Variants in CSMD1 observed in about 807,000 individuals in gnomAD.
CSMD1 encodes CUB and Sushi multiple domains 1, also known as CUB and sushi domain-containing protein 1.
CSMD1 carries 213 observed loss-of-function variants against 417.5 expected under a neutral mutation model. That is an observed-to-expected ratio of 0.51 (90% CI 0.46 to 0.57). CSMD1 has a LOEUF of 0.57. Among genes scored for constraint, CSMD1 ranks in the 20% least tolerant of loss-of-function variants. CSMD1 has a pLI of 0.00. For missense variants in CSMD1, 6,923 were observed against 4,529.7 expected, an observed-to-expected ratio of 1.53 and a Z score of -15.17; for synonymous variants, 2,862 against 1,736.8, an observed-to-expected ratio of 1.65 and a Z score of -16.11.
At chr8:3,286,500 C>G (rs371405102) in intron 25 of CSMD1, among the ~76,000 whole-genome samples, 10 of 152,182 alleles carry the variant, frequency 6.6e-5, no homozygotes, top group African/African-American at 1.7e-4. Context: ...TTTTTCCTGA[C>G]TTGTTAATGA....
intron 21 of CSMD1, among the ~76,000 whole-genome samples, chr8:3,354,937 A>ATT (rs1339389939): frequency 4.0e-5 from 6 of 150,770 alleles, no homozygotes; most frequent in African/African-American, 1.2e-4. Flanking sequence ...AGATATAGAT[A>ATT]TATATAGAGA....
At chr8:4,036,413 A>T (rs941970703) in intron 3 of CSMD1, among the ~76,000 whole-genome samples, 4 of 152,342 alleles carry the variant, frequency 2.6e-5, no homozygotes, top group South Asian at 4.1e-4. Flanking sequence ...ATTGACTTAC[A>T]TATTTCTGAA....
At position 4,434,456 on chromosome 8, in the gene CSMD1, T is replaced by A. The variant is rs77438606; in HGVS notation, c.303-14391A>T. On this transcript the variant is annotated intron_variant, in intron 2 of 69. Coordinates refer to ENST00000635120, the MANE Select transcript of CSMD1 (RefSeq NM_033225.6). ...CAGCCCTTGGCTTTGTGACCCATCCTATGAAGTCCCCACACTCTAACAGAA... is the reference window on the plus strand; with the variant it reads ...CAGCCCTTGGCTTTGTGACCCATCCAATGAAGTCCCCACACTCTAACAGAA... Among the ~76,000 whole-genome samples, 8 of 152,266 alleles carry A rather than the reference T, an allele frequency of 5.3e-5. No individual in the cohort carries two copies. The East Asian group carries it at 1.5e-3, about 29-fold the overall frequency.
intron 54 of CSMD1, among the ~76,000 whole-genome samples, chr8:2,993,705 A>C (rs1386845526): frequency 2.2e-4 from 34 of 152,060 alleles, no homozygotes; most frequent in Admixed American, 2.2e-3. Flanking sequence ...TTTTGTTTCT[A>C]ATGTTTTAAA....
intron 6 of CSMD1, among the ~76,000 whole-genome samples, chr8:3,721,618 A>C (rs557117974): frequency 6.6e-6 from 1 of 152,300 alleles, no homozygotes; most frequent in South Asian, 2.1e-4. Context: ...TCCTACCTTA[A>C]TTATTCTTAT....
At chr8:3,293,647 G>A (rs779354931) in intron 25 of CSMD1, among the ~76,000 whole-genome samples, 7 of 152,064 alleles carry the variant, frequency 4.6e-5, no homozygotes, top group African/African-American at 7.2e-5. Flanking sequence ...CATTTGTCAC[G>A]TAGTCCTCGT....
chr8:3,216,323 A>G (rs558223273), intron 29 of CSMD1, among the ~76,000 whole-genome samples: 1 of 152,128 alleles, frequency 6.6e-6, no homozygotes, highest in Admixed American at 6.6e-5. Context: ...AGTTTTTCTG[A>G]TATTTTATTT....
intron 10 of CSMD1, among the ~76,000 whole-genome samples, chr8:3,557,795 T>G (rs1013098281): frequency 6.6e-6 from 1 of 152,190 alleles, no homozygotes; most frequent in Non-Finnish European, 1.5e-5. Context: ...GATAGAGTCT[T>G]TGGTTGTTTC....
At chr8:3,438,366 CA>C (rs1814712206) in intron 12 of CSMD1, among the ~76,000 whole-genome samples, 1 of 152,144 alleles carries the variant, frequency 6.6e-6, no homozygotes, top group South Asian at 2.1e-4. Context: ...AGATACAGAA[CA>C]TGTCCAGCAA....
At chr8:3,522,867 A>T (rs1797564924) in intron 10 of CSMD1, among the ~76,000 whole-genome samples, 1 of 149,876 alleles carries the variant, frequency 6.7e-6, no homozygotes, top group African/African-American at 2.4e-5. Flanking sequence ...TATTTAATGT[A>T]AATTATATTA....
At chr8:3,209,584 G>T (rs1021105174) in intron 30 of CSMD1, among the ~76,000 whole-genome samples, 16 of 152,122 alleles carry the variant, frequency 1.1e-4, no homozygotes, top group African/African-American at 3.4e-4. Context: ...CTCCCAAAGT[G>T]CTGGAATTAC....
intron 3 of CSMD1, among the ~76,000 whole-genome samples, chr8:4,271,205 T>C (rs550463763): frequency 3.3e-5 from 5 of 152,244 alleles, no homozygotes; most frequent in African/African-American, 9.6e-5. Flanking sequence ...TGTAAACATA[T>C]ATATACTTGC....
At position 4,966,492 on chromosome 8, in the gene CSMD1, G is replaced by A. The variant is rs994252346; in HGVS notation, c.85+27840C>T. The stretch of plus-strand genomic sequence containing the variant: ...CTTCCAGATCTCAATGGGACACATC[G>A]CGAGGCCCTTAAGGGGCTGCAGACA... On this transcript the variant is annotated intron_variant, in intron 1 of 69. Transcript: ENST00000635120. Among the ~76,000 whole-genome samples the A allele has an allele frequency of 7.2e-5, 11 of 152,212 alleles. No homozygotes were observed. The East Asian group carries it at 1.9e-3, about 27-fold the overall frequency.
chr8:4,394,493 T>G (rs1020753065), intron 3 of CSMD1, among the ~76,000 whole-genome samples: 6 of 152,174 alleles, frequency 3.9e-5, no homozygotes, highest in Non-Finnish European at 5.9e-5. Context: ...CTGAAATACC[T>G]CTGGGTGTGA....
At chr8:2,960,074 G>C (rs1410087149) in intron 62 of CSMD1, among the ~76,000 whole-genome samples, 3 of 152,306 alleles carry the variant, frequency 2.0e-5, no homozygotes, top group Middle Eastern at 3.4e-3. Flanking sequence ...ACATAGGCAA[G>C]TTAAGAATTG....
At chr8:3,426,426 T>TA (rs1359675809) in intron 12 of CSMD1, among the ~76,000 whole-genome samples, 5 of 152,124 alleles carry the variant, frequency 3.3e-5, no homozygotes, top group South Asian at 2.1e-4. Flanking sequence ...GCTTTTTTAT[T>TA]AAAAAATAGG....
chr8:4,009,868 C>T (rs902617487), intron 4 of CSMD1, among the ~76,000 whole-genome samples: 1 of 152,032 alleles, frequency 6.6e-6, no homozygotes, highest in Non-Finnish European at 1.5e-5. Context: ...TAAGAGGGTA[C>T]TCTCGTACAT....
chr8:4,906,335 C>G (rs546321723), intron 1 of CSMD1, among the ~76,000 whole-genome samples: 1 of 152,206 alleles, frequency 6.6e-6, no homozygotes, highest in South Asian at 2.1e-4. Context: ...TATTATTTTC[C>G]TTTAAAACAC....
intron 3 of CSMD1, among the ~76,000 whole-genome samples, chr8:4,186,545 C>G (rs879385532): frequency 6.6e-6 from 1 of 152,146 alleles, no homozygotes; most frequent in East Asian, 1.9e-4. Context: ...CAGCATTATA[C>G]GAATATAAAA....
Sources: gnomAD v4.1 joint callset for allele counts (sites outside exome capture counted in the v4.1 genomes callset) on GRCh38, gnomAD v4.1.1 for gene constraint, MANE v1.5 for transcripts, NCBI Gene and HGNC (gene_info 2026-07-23, HGNC 2026-07-21) for gene names.